NUBP1: variants seen among roughly 807,000 people sequenced by gnomAD.
NUBP1 encodes NUBP iron-sulfur cluster assembly factor 1, cytosolic, also known as cytosolic Fe-S cluster assembly factor NUBP1.
A neutral mutation model predicts 41.8 loss-of-function variants in NUBP1; 46 were observed. The observed-to-expected ratio is 1.10, with a 90% CI of 0.87 to 1.41. The LOEUF (loss-of-function observed/expected upper bound fraction) is 1.41. NUBP1 is among the 40% of genes most tolerant of loss of function. The pLI is 0.00. For synonymous variants in NUBP1, 189 were observed against 154.6 expected (o/e 1.22, Z -1.65); for missense variants, 494 against 414.0 (o/e 1.19, Z -1.68).
Position 10,744,510 on chromosome 16 carries a change from C to T in NUBP1, c.124+445C>T, listed in dbSNP as rs146308051. 1.7e-3 allele frequency among the ~76,000 whole-genome samples: 257 copies of T among 152,354 alleles called. 1 individual carries two copies. Among genetic ancestry groups the T allele is most frequent in the African/African-American group, 5.9e-3 (247 of 41,590 alleles). ...CCTTTTGAGGAGTGATTCTCCCACT[C>T]ATTCAGCAGAAATGTGTTGATCGCC... On this transcript the variant is annotated intron_variant, in intron 2 of 10. Transcript: ENST00000283027.
chr16:10,762,070 C>T (rs2030003348), intron 9 of NUBP1: 1 of 504,028 alleles, frequency 2.0e-6, no homozygotes, highest in Admixed American at 3.4e-5. Context: ...AGCAAGCAGG[C>T]CTCAGGCAGA....
At position 10,768,842 on chromosome 16, in the gene NUBP1, C is replaced by T. The variant is rs74471897; in HGVS notation, c.905-205C>T. Reference sequence around the variant, plus strand: ...CATCTATAGATGGTCCGAGGAAGGCCGCAGCCACTGGTTATGAGCAAGATG... The same window carrying T: ...CATCTATAGATGGTCCGAGGAAGGCTGCAGCCACTGGTTATGAGCAAGATG... On this transcript the variant is annotated intron_variant, in intron 10 of 10. Coordinates refer to ENST00000283027, the MANE Select transcript of NUBP1 (RefSeq NM_002484.4). The surrounding 1 kb of genome is among the most constrained non-coding windows in gnomAD (Gnocchi z 4.3). The T allele has an allele frequency of 4.6e-3, 2,436 of 526,486 alleles. 7 individuals are homozygous for T. Among genetic ancestry groups the T allele is most frequent in the Non-Finnish European group, 5.5e-3 (1,625 of 296,660 alleles). 32.6% of individuals were successfully genotyped at this position (526,486 alleles called of 1,614,324 possible).
rs2030962852 is a variant in NUBP1, at chr16:10,766,882, T to G, written c.821-1067T>G. 1 of 398,470 alleles carries G rather than the reference T, an allele frequency of 2.5e-6. No individual in the cohort carries two copies. The highest frequency in any genetic ancestry group is 4.4e-5 in the Admixed American group (1 of 22,712). 24.7% of individuals were successfully genotyped at this position (398,470 alleles called of 1,614,324 possible). On this transcript the variant is annotated intron_variant, in intron 9 of 10. Coordinates refer to ENST00000283027, the MANE Select transcript of NUBP1 (RefSeq NM_002484.4). The surrounding 1 kb of genome is among the most constrained non-coding windows in gnomAD (Gnocchi z 4.8). ...GCATACGTCCTATGGAGAGGACATT[T>G]CCTGTTATGGCTCAAGTGCGAATTG...
At chr16:10,756,633 C>T (rs1262171950) in intron 5 of NUBP1, 57 bp from the exon 6 acceptor site, 2 of 1,304,004 alleles carry the variant, frequency 1.5e-6, no homozygotes, top group Admixed American at 2.9e-5. Flanking sequence ...TGGGGGAGGG[C>T]CTCACTGTGT....
intron 7 of NUBP1, among the ~76,000 whole-genome samples, chr16:10,760,614 G>A (rs189471976): frequency 6.6e-6 from 1 of 152,282 alleles, no homozygotes; most frequent in East Asian, 1.9e-4. Context: ...GCACATGCCT[G>A]TAGTCCCAGC....
chr16:10,747,351 AG>A lies in NUBP1; in HGVS notation c.258+77del, dbSNP rs1182745682. The A allele has an allele frequency of 1.2e-4, 184 of 1,574,926 alleles. 3 individuals are homozygous for A. The East Asian group carries it at 4.1e-3, about 35-fold the overall frequency. ...GATGGCTACTAAATAACTGATTCCT[AG>A]GCCAGGCGCAGTGGTTCATGCCTGT... On this transcript the variant is annotated intron_variant, in intron 3 of 10. Coordinates refer to ENST00000283027, the MANE Select transcript of NUBP1 (RefSeq NM_002484.4).
At chr16:10,750,631 G>C (rs964044852) in intron 3 of NUBP1, among the ~76,000 whole-genome samples, 1 of 149,680 alleles carries the variant, frequency 6.7e-6, no homozygotes, top group African/African-American at 2.6e-5. Flanking sequence ...CTGAGTGTGC[G>C]AGGCCCTCCT....
At position 10,769,102 on chromosome 16, in the gene NUBP1, C is replaced by G. The variant is rs1255382632; in HGVS notation, c.960C>G (p.Ser320=). Residue 320 remains serine, a synonymous_variant, in exon 11 of 11, where the codon TCC becomes TCG. Transcript: ENST00000283027. ...CAAAAGAAGAGAACCTCATCAGTTCCTGAAACGAGAGAATGTTCAGGACCA... is the reference window on the plus strand; with the variant it reads ...CAAAAGAAGAGAACCTCATCAGTTCGTGAAACGAGAGAATGTTCAGGACCA... ...HQSKEENLIS[S] is the part of the protein sequence containing the mutation. The G allele has an allele frequency of 6.2e-7, 1 of 1,613,862 alleles. No individual in the cohort carries two copies. Among genetic ancestry groups the G allele is most frequent in the Non-Finnish European group, 8.5e-7 (1 of 1,179,938 alleles).
intron 4 of NUBP1, 39 bp from the exon 5 acceptor site, chr16:10,755,682 G>T (rs760066865): frequency 6.8e-6 from 11 of 1,608,472 alleles, no homozygotes; most frequent in South Asian, 3.3e-5. Flanking sequence ...CAGGGTACAT[G>T]ATTTCTACTA....
chr16:10,753,836 G>T (rs1389896356), intron 4 of NUBP1, among the ~76,000 whole-genome samples: 1 of 152,150 alleles, frequency 6.6e-6, no homozygotes, highest in East Asian at 1.9e-4. Flanking sequence ...AACTGCATGG[G>T]CCGCTGACAC....
intron 5 of NUBP1, 33 bp from the exon 6 acceptor site, chr16:10,756,657 G>T: frequency 6.7e-7 from 1 of 1,482,830 alleles, no homozygotes; most frequent in Non-Finnish European, 9.0e-7. Context: ...TTTGAGTAAA[G>T]CGTGTCTTGC....
At chr16:10,761,304 C>T (rs1267659325) in intron 7 of NUBP1, 60 bp from the exon 8 acceptor site, 2 of 1,504,350 alleles carry the variant, frequency 1.3e-6, no homozygotes, top group Non-Finnish European at 9.2e-7. Flanking sequence ...CCCTCGGTTG[C>T]ACAGACATTC....
At position 10,761,430 on chromosome 16, in the gene NUBP1, G is replaced by A. The variant is rs778653318; in HGVS notation, c.673G>A (p.Gly225Arg). The change falls in exon 8 of 11, where the codon GGG becomes AGG. Residue 225 changes from glycine to arginine, a missense_variant. Coordinates refer to ENST00000283027, the MANE Select transcript of NUBP1 (RefSeq NM_002484.4). ...FCRKVKLPII[G>R]VVENMSGFIC... is the part of the protein sequence containing the mutation. ...CCGCAAGGTGAAGCTGCCCATCATCGGGGTGGTGGAGAACATGAGTGGCTT... is the reference window on the plus strand; with the variant it reads ...CCGCAAGGTGAAGCTGCCCATCATCAGGGTGGTGGAGAACATGAGTGGCTT... The A allele has an allele frequency of 8.1e-6, 13 of 1,613,982 alleles. No homozygotes were observed. Among genetic ancestry groups the A allele is most frequent in the Admixed American group, 3.3e-5 (2 of 60,002 alleles).
Position 10,766,437 on chromosome 16 carries a change from T to C in NUBP1, c.821-1512T>C, listed in dbSNP as rs145719382. 1.3e-5 allele frequency among the ~76,000 whole-genome samples: 2 copies of C among 152,052 alleles called. No individual in the cohort carries two copies. The highest frequency in any genetic ancestry group is 2.1e-4 in the South Asian group (1 of 4,806). On this transcript the variant is annotated intron_variant, in intron 9 of 10. Coordinates refer to ENST00000283027, the MANE Select transcript of NUBP1 (RefSeq NM_002484.4). This position sits in a 1 kb window ranked among gnomAD's most constrained non-coding sequence, Gnocchi z 4.8. ...TAGGAAGGGAAAACACTAGAGCATA[T>C]ATGTGTGTTGGGGGCTGGGGAGCCC... is the stretch of plus-strand genomic sequence containing the variant.
rs1201181643 is a variant in NUBP1, at chr16:10,749,082, T to C, written c.258+1806T>C. Among the ~76,000 whole-genome samples, 1 of 137,748 alleles carries C rather than the reference T, an allele frequency of 7.3e-6. No individual in the cohort carries two copies. The allele number at this position is 137,748 out of a possible 152,430, so 90.4% of individuals were successfully genotyped here. A position where few individuals can be genotyped will look rare whatever the true frequency, so the allele number is the denominator to read the frequency against. On this transcript the variant is annotated intron_variant, in intron 3 of 10. Coordinates refer to ENST00000283027, the MANE Select transcript of NUBP1 (RefSeq NM_002484.4). This position sits in a 1 kb window ranked among gnomAD's most constrained non-coding sequence, Gnocchi z 4.1. Reference sequence around the variant, plus strand: ...CTCCAGCCTGGGTGACAGACAAGACTCCATTTAAAAAAAAAAAAGGATATA... The same window carrying C: ...CTCCAGCCTGGGTGACAGACAAGACCCCATTTAAAAAAAAAAAAGGATATA...
intron 3 of NUBP1, among the ~76,000 whole-genome samples, chr16:10,747,778 T>C (rs1003693724): frequency 1.3e-5 from 2 of 152,246 alleles, no homozygotes; most frequent in Non-Finnish European, 2.9e-5. Flanking sequence ...GATGTACATC[T>C]GTCCTTGCAT....
Position 10,768,048 on chromosome 16 carries a change from A to G in NUBP1, c.904+16A>G. The G allele has an allele frequency of 6.2e-7, 1 of 1,611,766 alleles. No individual in the cohort carries two copies. The highest frequency in any genetic ancestry group is 8.5e-7 in the Non-Finnish European group (1 of 1,178,026). On this transcript the variant is annotated intron_variant, in intron 10 of 10. Coordinates refer to ENST00000283027, the MANE Select transcript of NUBP1 (RefSeq NM_002484.4). The surrounding 1 kb of genome is among the most constrained non-coding windows in gnomAD (Gnocchi z 4.3). Reference sequence around the variant, plus strand: ...ATAATTCAGAGTAAGTATTTCCATGAGTACTAAATGCAGATGCCTGTGGGG... The same window carrying G: ...ATAATTCAGAGTAAGTATTTCCATGGGTACTAAATGCAGATGCCTGTGGGG...
chr16:10,748,490 T>A (rs1358346505), intron 3 of NUBP1, among the ~76,000 whole-genome samples: 2 of 152,116 alleles, frequency 1.3e-5, no homozygotes, highest in Non-Finnish European at 2.9e-5. Context: ...GCACACACTC[T>A]GGAGTCAGAC....
Position 10,747,597 on chromosome 16 carries a change from T to C in NUBP1, c.258+321T>C, listed in dbSNP as rs112939720. Among the ~76,000 whole-genome samples the C allele has an allele frequency of 7.1e-3, 1,082 of 152,304 alleles. 13 individuals are homozygous for C. The highest frequency in any genetic ancestry group is 0.025 in the African/African-American group (1,027 of 41,554). ...TTGCAGTGAGTCAAGATTGTACCAG[T>C]GTACTCCAGCCTGGGTGGCAGAATG... On this transcript the variant is annotated intron_variant, in intron 3 of 10. Coordinates refer to ENST00000283027, the MANE Select transcript of NUBP1 (RefSeq NM_002484.4).
Sources: gnomAD v4.1 joint callset for allele counts (sites outside exome capture counted in the v4.1 genomes callset) on GRCh38, gnomAD v4.1.1 for gene constraint, Gnocchi (gnomAD v3.1) non-coding constraint, MANE v1.5 for transcripts, NCBI Gene and HGNC (gene_info 2026-07-23, HGNC 2026-07-21) for gene names.